FCRL2: variants seen among roughly 807,000 people sequenced by gnomAD.
FCRL2 encodes Fc receptor like 2.
In FCRL2, 48 loss-of-function variants were observed where a neutral mutation model predicts 59.8. The observed-to-expected ratio is 0.80, with a 90% CI of 0.64 to 1.02. FCRL2 has a LOEUF of 1.02. FCRL2 is among the 50% of genes least tolerant of loss of function. The pLI is 0.00. For synonymous variants in FCRL2, 251 were observed against 229.5 expected (o/e 1.09, Z -0.85); for missense variants, 658 against 597.3 (o/e 1.10, Z -1.06).
In FCRL2 at chr1:157,748,855, T is replaced by C. The variant is rs2275233; in HGVS notation, c.1393+20A>G. On this transcript the variant is annotated intron_variant, in intron 9 of 11. Transcript: ENST00000361516. ...CTTTTCTGACTCAGCCTCAGAGCCCTTCCCAGTGGAGACACTCACCATTGA... is the reference window on the plus strand; with the variant it reads ...CTTTTCTGACTCAGCCTCAGAGCCCCTCCCAGTGGAGACACTCACCATTGA... 266,303 of 1,609,188 alleles carry C rather than the reference T, an allele frequency of 0.17. 22,764 individuals carry two copies. Among genetic ancestry groups the C allele is most frequent in the East Asian group, 0.23 (10,467 of 44,850 alleles).
intron 7 of FCRL2, among the ~76,000 whole-genome samples, chr1:157,757,304 T>C (rs773609737): frequency 6.6e-6 from 1 of 152,172 alleles, no homozygotes; most frequent in Non-Finnish European, 1.5e-5. Flanking sequence ...CAGTTGGAAA[T>C]GGAACCTTTA....
chr1:157,772,374 A>C (rs975409458), intron 2 of FCRL2, among the ~76,000 whole-genome samples: 2 of 152,162 alleles, frequency 1.3e-5, no homozygotes, highest in African/African-American at 4.8e-5. Context: ...GCATGGTAAG[A>C]GGCAGACTGC....
At chr1:157,757,839 G>C (rs182657142) in intron 7 of FCRL2, among the ~76,000 whole-genome samples, 2,694 of 152,326 alleles carry the variant, frequency 0.018, 71 homozygotes, top group African/African-American at 0.06. Flanking sequence ...GCGGACGCCT[G>C]CAGTCCCAGC....
chr1:157,772,775 T>G (rs1650121687), intron 2 of FCRL2, among the ~76,000 whole-genome samples: 1 of 152,180 alleles, frequency 6.6e-6, no homozygotes. Context: ...TTCATGCACT[T>G]ATAATTTTTA....
At position 157,746,669 on chromosome 1, in the gene FCRL2, G is replaced by A; in HGVS notation, c.*67C>T. On this transcript the variant is annotated 3_prime_UTR_variant, in exon 12 of 12. Coordinates refer to ENST00000361516, the MANE Select transcript of FCRL2 (RefSeq NM_030764.4). ...GATAAGCCTCAAGCATTTTCATAAG[G>A]TTTTATAGCAAGTCTTAATGATGCC... is the stretch of plus-strand genomic sequence containing the variant. 6.5e-7 allele frequency: 1 copy of A among 1,539,304 alleles called. No homozygotes were observed. The highest frequency in any genetic ancestry group is 9.0e-7 in the Non-Finnish European group (1 of 1,113,234).
intron 7 of FCRL2, among the ~76,000 whole-genome samples, chr1:157,754,603 G>C (rs1648447536): frequency 2.0e-5 from 3 of 151,782 alleles, no homozygotes; most frequent in Admixed American, 2.0e-4. Context: ...TTGGGGTCTG[G>C]ATCCAGACCC....
In FCRL2 at chr1:157,776,954, C is replaced by T. The variant is rs930757456; in HGVS notation, c.31+89G>A. 14 of 1,292,578 alleles carry T rather than the reference C, an allele frequency of 1.1e-5. No individual in the cohort carries two copies. The African/African-American group carries it at 1.9e-4, about 18-fold the overall frequency. The allele number at this position is 1,292,578 out of a possible 1,614,324, so 80.1% of individuals were successfully genotyped here. A position where few individuals can be genotyped will look rare whatever the true frequency, so the allele number is the denominator to read the frequency against. ...CAGGACCTGAGCATCCCCACCAGTC[C>T]CTGGGCTCCAATAAAACCTCCAACC... On this transcript the variant is annotated intron_variant, in intron 1 of 11. Transcript: ENST00000361516.
At chr1:157,759,685 A>G (rs1177502337) in intron 7 of FCRL2, among the ~76,000 whole-genome samples, 1 of 152,234 alleles carries the variant, frequency 6.6e-6, no homozygotes, top group Non-Finnish European at 1.5e-5. Context: ...GCCAAAAATC[A>G]TATGAAAAAG....
At chr1:157,761,848 A>G (rs1649125160) in intron 7 of FCRL2, among the ~76,000 whole-genome samples, 1 of 152,174 alleles carries the variant, frequency 6.6e-6, no homozygotes, top group Non-Finnish European at 1.5e-5. Flanking sequence ...CAGCTTAAGG[A>G]ATATGTTGGT....
chr1:157,772,491 G>A (rs1650097846), intron 2 of FCRL2, among the ~76,000 whole-genome samples: 1 of 152,188 alleles, frequency 6.6e-6, no homozygotes, highest in Admixed American at 6.5e-5. Context: ...TTGCAGCTCT[G>A]AGAGGAATCC....
chr1:157,759,272 C>T lies in FCRL2; in HGVS notation c.1279+7583G>A, dbSNP rs890415786. ...CATGTGGAACTGTGAGTCGATTAAACCTCTTTCCTTTGTAAATTACCCAGT... is the reference window on the plus strand; with the variant it reads ...CATGTGGAACTGTGAGTCGATTAAATCTCTTTCCTTTGTAAATTACCCAGT... On this transcript the variant is annotated intron_variant, in intron 7 of 11. Coordinates refer to ENST00000361516, the MANE Select transcript of FCRL2 (RefSeq NM_030764.4). 2.0e-5 allele frequency among the ~76,000 whole-genome samples: 3 copies of T among 152,186 alleles called. No homozygotes were observed. In the South Asian group the frequency reaches 6.2e-4, roughly 31 times the overall value.
At chr1:157,768,189 T>C in intron 5 of FCRL2, 1 of 518,918 alleles carries the variant, frequency 1.9e-6, no homozygotes, top group Non-Finnish European at 3.4e-6. Flanking sequence ...ATCGTAGGAT[T>C]GCAAGAATGC....
intron 8 of FCRL2, 140 bp from the exon 9 acceptor site, chr1:157,749,100 A>G: frequency 3.2e-6 from 2 of 627,440 alleles, no homozygotes; most frequent in South Asian, 4.9e-5. Context: ...CTTTGTGTAG[A>G]CTATCTACTT....
Position 157,752,656 on chromosome 1 carries a change from A to C in FCRL2, c.1280-2979T>G, listed in dbSNP as rs1355134330. Among the ~76,000 whole-genome samples, 98 of 152,332 alleles carry C rather than the reference A, an allele frequency of 6.4e-4. 2 individuals are homozygous for C. The highest frequency in any genetic ancestry group is 4.4e-5 in the Non-Finnish European group (3 of 68,026). On this transcript the variant is annotated intron_variant, in intron 7 of 11. Coordinates refer to ENST00000361516, the MANE Select transcript of FCRL2 (RefSeq NM_030764.4). ...AATTTTATGGTTGCACTCTAAGAGTACCCTTGTTAGATGAATCAGTTATCA... is the reference window on the plus strand; with the variant it reads ...AATTTTATGGTTGCACTCTAAGAGTCCCCTTGTTAGATGAATCAGTTATCA...
chr1:157,760,698 G>GGAAAGAAAGAAAGAAAGAAA (rs1163684979), intron 7 of FCRL2, among the ~76,000 whole-genome samples: 22 of 97,204 alleles, frequency 2.3e-4, no homozygotes, highest in Admixed American at 3.3e-4. Flanking sequence ...AAAGAAAGAA[G>GGAAAGAAAGAAAGAAAGAAA]GAAAGAAAGA....
In FCRL2 at chr1:157,745,753, T is replaced by C. The variant is rs922582723; in HGVS notation, c.*983A>G. The C allele has an allele frequency of 6.6e-6, 1 of 152,244 alleles. No homozygotes were observed. Among genetic ancestry groups the C allele is most frequent in the African/African-American group, 2.4e-5 (1 of 41,472 alleles). The allele number at this position is 152,244 out of a possible 1,614,324, so 9.4% of individuals were successfully genotyped here. Reference sequence around the variant, plus strand: ...AAATCTATAGATTATTTACATTTTATTCTATATACTTACAAAAGTAATATC... The same window carrying C: ...AAATCTATAGATTATTTACATTTTACTCTATATACTTACAAAAGTAATATC... On this transcript the variant is annotated 3_prime_UTR_variant, in exon 12 of 12. Coordinates refer to ENST00000361516, the MANE Select transcript of FCRL2 (RefSeq NM_030764.4).
intron 7 of FCRL2, among the ~76,000 whole-genome samples, chr1:157,750,734 T>C (rs1001462363): frequency 6.6e-6 from 1 of 152,224 alleles, no homozygotes; most frequent in African/African-American, 2.4e-5. Flanking sequence ...AGCCAAACTG[T>C]CATTAAAGCA....
chr1:157,753,141 C>T (rs930243303), intron 7 of FCRL2, among the ~76,000 whole-genome samples: 1 of 152,112 alleles, frequency 6.6e-6, no homozygotes, highest in African/African-American at 2.4e-5. Context: ...TTATCCATGA[C>T]CCTTCTGTTG....
intron 8 of FCRL2, among the ~76,000 whole-genome samples, chr1:157,749,318 C>T (rs1373631657): frequency 6.6e-6 from 1 of 152,042 alleles, no homozygotes; most frequent in Non-Finnish European, 1.5e-5. Context: ...GGAGGAAATA[C>T]ACATTTTGTG....
Sources: gnomAD v4.1 joint callset for allele counts (sites outside exome capture counted in the v4.1 genomes callset) on GRCh38, gnomAD v4.1.1 for gene constraint, MANE v1.5 for transcripts, NCBI Gene and HGNC (gene_info 2026-07-23, HGNC 2026-07-21) for gene names.